The following TBC1D19 variants were observed in gnomAD, a reference collection of about 807,000 sequenced individuals.
TBC1D19 encodes TBC1 domain family member 19.
A neutral mutation model predicts 89.0 loss-of-function variants in TBC1D19; 60 were observed. The observed-to-expected ratio is 0.67, with a 90% CI of 0.55 to 0.84. TBC1D19 has a LOEUF of 0.84. Among genes scored for constraint, TBC1D19 ranks in the 40% least tolerant of loss-of-function variants. The pLI, the probability that TBC1D19 is intolerant of heterozygous loss-of-function variation, is 0.00. For missense variants in TBC1D19, 500 were observed against 610.8 expected (o/e 0.82, Z 1.91); for synonymous variants, 189 against 199.7 (o/e 0.95, Z 0.45).
At chr4:26,665,956 T>C (rs1711770945) in intron 8 of TBC1D19, among the ~76,000 whole-genome samples, 1 of 152,064 alleles carries the variant, frequency 6.6e-6, no homozygotes, top group South Asian at 2.1e-4. Flanking sequence ...AGTAAAACTT[T>C]TATTAGGTAG....
At chr4:26,852,003 C>G in the TBC1D19 span, among the ~76,000 whole-genome samples, 1 of 152,224 alleles carries the variant, frequency 6.6e-6, no homozygotes, top group South Asian at 2.1e-4. Flanking sequence ...AAATCTAAAT[C>G]TCCAGCTTGG....
At chr4:26,723,083 GA>G (rs768796249) in intron 15 of TBC1D19, among the ~76,000 whole-genome samples, 20 of 152,172 alleles carry the variant, frequency 1.3e-4, no homozygotes, top group Non-Finnish European at 2.5e-4. Context: ...CATCCAGAAT[GA>G]AAACTGTTTA....
chr4:26,706,788 T>A (rs1715770806), intron 13 of TBC1D19, among the ~76,000 whole-genome samples: 1 of 152,152 alleles, frequency 6.6e-6, no homozygotes, highest in Admixed American at 6.6e-5. Context: ...CTTTAATCCA[T>A]TGGCTGTTTA....
chr4:26,658,567 C>T (rs13132179), intron 7 of TBC1D19, among the ~76,000 whole-genome samples: 69,331 of 152,016 alleles, frequency 0.46, 17,569 homozygotes, highest in Admixed American at 0.6. Context: ...CTTGACTATG[C>T]GGGCTCTTTT....
the TBC1D19 span, among the ~76,000 whole-genome samples, chr4:26,772,897 G>A: frequency 6.6e-6 from 1 of 152,106 alleles, no homozygotes; most frequent in Admixed American, 6.5e-5. Flanking sequence ...CCGTGTCTTT[G>A]CTATTGTAAA....
At chr4:26,616,523 G>A (rs1179312066) in intron 3 of TBC1D19, among the ~76,000 whole-genome samples, 1 of 152,064 alleles carries the variant, frequency 6.6e-6, no homozygotes, top group Non-Finnish European at 1.5e-5. Context: ...ACCATTAGAT[G>A]GATGAATAAG....
At chr4:26,721,144 T>A (rs577302311) in intron 15 of TBC1D19, among the ~76,000 whole-genome samples, 1 of 152,180 alleles carries the variant, frequency 6.6e-6, no homozygotes, top group African/African-American at 2.4e-5. Flanking sequence ...TTTGCTTTTA[T>A]GATTCTATCT....
chr4:26,597,962 C>A (rs1021730782), intron 1 of TBC1D19, among the ~76,000 whole-genome samples: 2 of 152,122 alleles, frequency 1.3e-5, no homozygotes, highest in African/African-American at 4.8e-5. Flanking sequence ...ATTACTTTCA[C>A]TATTTTCCTG....
chr4:26,591,148 G>T (rs1739771241), intron 1 of TBC1D19, among the ~76,000 whole-genome samples: 1 of 151,524 alleles, frequency 6.6e-6, no homozygotes, highest in Admixed American at 6.6e-5. Flanking sequence ...GGAATTATGT[G>T]GTATGTAGTT....
chr4:26,590,712 G>T (rs1739713871), intron 1 of TBC1D19, among the ~76,000 whole-genome samples: 1 of 135,856 alleles, frequency 7.4e-6, no homozygotes, highest in African/African-American at 2.8e-5. Flanking sequence ...TGGTACATTT[G>T]TTTCAGTTGA....
chr4:26,757,240 C>T (rs1220352578), downstream of TBC1D19, among the ~76,000 whole-genome samples: 1 of 152,168 alleles, frequency 6.6e-6, no homozygotes, highest in East Asian at 1.9e-4. Flanking sequence ...GTCTCAAACT[C>T]CTGACCTCAA....
intron 17 of TBC1D19, chr4:26,740,828 C>T (rs1382626584): frequency 2.0e-6 from 2 of 985,190 alleles, no homozygotes; most frequent in South Asian, 4.7e-5. Flanking sequence ...TGTTCTTTAT[C>T]CCCCCATTCT....
chr4:26,766,421 C>A, the TBC1D19 span, among the ~76,000 whole-genome samples: 5 of 152,144 alleles, frequency 3.3e-5, no homozygotes, highest in Non-Finnish European at 7.4e-5. Context: ...GGAACAATAC[C>A]TTGGTTGACC....
At chr4:26,633,156 A>G (rs1187583124) in intron 4 of TBC1D19, among the ~76,000 whole-genome samples, 1 of 152,152 alleles carries the variant, frequency 6.6e-6, no homozygotes, top group Non-Finnish European at 1.5e-5. Flanking sequence ...AACTTTTTCC[A>G]TAACAACAAT....
At chr4:26,667,523 G>A (rs182497525) in intron 9 of TBC1D19, among the ~76,000 whole-genome samples, 1 of 152,140 alleles carries the variant, frequency 6.6e-6, no homozygotes, top group East Asian at 1.9e-4. Flanking sequence ...GTTGTTATAT[G>A]TGTTTATAGA....
At chr4:26,632,671 A>G (rs998492429) in intron 4 of TBC1D19, among the ~76,000 whole-genome samples, 3 of 152,018 alleles carry the variant, frequency 2.0e-5, no homozygotes, top group Admixed American at 2.0e-4. Context: ...CCCACCTGAC[A>G]TTTTTACTTT....
intron 1 of TBC1D19, among the ~76,000 whole-genome samples, chr4:26,593,186 A>G (rs1258193841): frequency 2.0e-5 from 3 of 152,208 alleles, no homozygotes; most frequent in South Asian, 2.1e-4. Flanking sequence ...ATAATGCCAC[A>G]TATCTACAAC....
At chr4:26,798,062 A>C in the TBC1D19 span, among the ~76,000 whole-genome samples, 1 of 152,238 alleles carries the variant, frequency 6.6e-6, no homozygotes, top group Non-Finnish European at 1.5e-5. Flanking sequence ...AATTGAACTA[A>C]AATGCTTTTG....
At chr4:26,801,652 C>T in the TBC1D19 span, among the ~76,000 whole-genome samples, 1 of 152,104 alleles carries the variant, frequency 6.6e-6, no homozygotes, top group Non-Finnish European at 1.5e-5. Context: ...ATGGAATGTT[C>T]TTCCATTTGT....
Sources: allele counts gnomAD v4.1 joint callset (sites outside exome capture counted in the v4.1 genomes callset), GRCh38; gene constraint gnomAD v4.1.1; transcripts MANE v1.5; gene names NCBI Gene and HGNC (gene_info 2026-07-23, HGNC 2026-07-21).